The following IRAK2 variants were observed in gnomAD, a reference collection of about 807,000 sequenced individuals.
IRAK2 encodes interleukin-1 receptor-associated kinase-like 2.
In IRAK2, 57 loss-of-function variants were observed where a neutral mutation model predicts 72.0. The observed-to-expected ratio is 0.79, with a 90% CI of 0.64 to 0.99. The LOEUF is 0.99. Ranked by LOEUF, IRAK2 falls within the 50% of genes least tolerant of loss-of-function variation. The pLI is 0.00. For missense variants in IRAK2, 790 were observed against 794.4 expected (o/e 0.99, Z 0.07); for synonymous variants, 293 against 312.7 (o/e 0.94, Z 0.67).
intron 9 of IRAK2, 71 bp from the exon 10 acceptor site, chr3:10,226,300 A>C: frequency 2.3e-6 from 3 of 1,293,112 alleles, no homozygotes; most frequent in South Asian, 2.5e-5. Context: ...TGAGAAGAGA[A>C]GACAGAATCT....
At position 10,240,183 on chromosome 3, in the gene IRAK2, G is replaced by A. The variant is rs145315414; in HGVS notation, c.1765+1144G>A. On this transcript the variant is annotated intron_variant, in intron 12 of 12. Coordinates refer to ENST00000256458, the MANE Select transcript of IRAK2 (RefSeq NM_001570.4). ...AAAAGAAGATACTTTCTGGCTGGGC[G>A]CAGTGGCTCACGCCTGTAATCCCAG... Among the ~76,000 whole-genome samples the A allele has an allele frequency of 3.8e-3, 567 of 150,814 alleles. 6 individuals carry two copies. The highest frequency in any genetic ancestry group is 0.013 in the African/African-American group (538 of 40,988).
intron 1 of IRAK2, among the ~76,000 whole-genome samples, chr3:10,169,405 CA>C (rs953828766): frequency 6.6e-6 from 1 of 152,160 alleles, no homozygotes; most frequent in Non-Finnish European, 1.5e-5. Flanking sequence ...CTGCATCAGA[CA>C]GACACCCCCA....
chr3:10,180,790 C>T lies in IRAK2; in HGVS notation c.277+2770C>T, dbSNP rs145009357. Among the ~76,000 whole-genome samples, 209 of 152,156 alleles carry T rather than the reference C, an allele frequency of 1.4e-3. 2 individuals are homozygous for T. The highest frequency in any genetic ancestry group is 4.4e-3 in the African/African-American group (183 of 41,524). ...GGAGAGCAGGGGATGCTGTGGTGGA[C>T]GTGCAGGTGGAGAGATCTAGAGCTA... On this transcript the variant is annotated intron_variant, in intron 2 of 12. Transcript: ENST00000256458.
intron 3 of IRAK2, among the ~76,000 whole-genome samples, chr3:10,205,146 T>C (rs527879188): frequency 3.3e-5 from 5 of 152,338 alleles, no homozygotes; most frequent in African/African-American, 1.2e-4. Context: ...AGGGAGATTT[T>C]CATATCCTTG....
At chr3:10,188,854 G>T (rs1241422445) in intron 2 of IRAK2, among the ~76,000 whole-genome samples, 2 of 152,186 alleles carry the variant, frequency 1.3e-5, no homozygotes, top group Non-Finnish European at 2.9e-5. Context: ...TAGAGACAGG[G>T]TTTTGCCGTG....
intron 2 of IRAK2, among the ~76,000 whole-genome samples, chr3:10,184,980 C>T (rs1697030398): frequency 6.6e-6 from 1 of 150,884 alleles, no homozygotes; most frequent in Non-Finnish European, 1.5e-5. Context: ...ATCCGCCCGC[C>T]TTGGCCTCCC....
intron 7 of IRAK2, among the ~76,000 whole-genome samples, chr3:10,219,397 CA>C (rs1300982014): frequency 6.6e-6 from 1 of 151,906 alleles, no homozygotes; most frequent in African/African-American, 2.4e-5. Flanking sequence ...CGGCTTACTG[CA>C]AGCTCTGCCT....
chr3:10,186,465 C>T (rs369802938), intron 2 of IRAK2, among the ~76,000 whole-genome samples: 20 of 151,808 alleles, frequency 1.3e-4, no homozygotes, highest in South Asian at 8.3e-4. Context: ...CTGGCTTCTG[C>T]GCTTAGCCTC....
At chr3:10,220,185 C>G (rs1697666731) in intron 8 of IRAK2, among the ~76,000 whole-genome samples, 1 of 152,202 alleles carries the variant, frequency 6.6e-6, no homozygotes, top group Non-Finnish European at 1.5e-5. Context: ...TTTTCTGAGA[C>G]CTGTCCCCTT....
At chr3:10,234,919 G>C (rs977603318) in intron 11 of IRAK2, among the ~76,000 whole-genome samples, 4 of 152,232 alleles carry the variant, frequency 2.6e-5, no homozygotes, top group Non-Finnish European at 5.9e-5. Context: ...CTGTGAATCG[G>C]CTTTATTCCC....
At chr3:10,180,853 A>G (rs1696949600) in intron 2 of IRAK2, among the ~76,000 whole-genome samples, 2 of 151,998 alleles carry the variant, frequency 1.3e-5, no homozygotes, top group Non-Finnish European at 2.9e-5. Flanking sequence ...TGTGGGGCAG[A>G]CCACACCAGT....
intron 8 of IRAK2, among the ~76,000 whole-genome samples, chr3:10,222,180 G>T (rs2125159879): frequency 6.6e-6 from 1 of 152,280 alleles, no homozygotes; most frequent in East Asian, 1.9e-4. Context: ...GAGCCACTGT[G>T]CCCGGCCAAG....
intron 2 of IRAK2, among the ~76,000 whole-genome samples, chr3:10,185,788 A>G (rs1478341022): frequency 1.3e-5 from 2 of 151,438 alleles, no homozygotes; most frequent in Non-Finnish European, 2.9e-5. Context: ...ACGCAGGAGA[A>G]TTGCTTGAAC....
Position 10,222,798 on chromosome 3 carries a change from G to A in IRAK2, c.1176G>A (p.Leu392=). Residue 392 remains leucine (L), a synonymous_variant, in exon 9 of 13, where the codon CTG becomes CTA. Transcript: ENST00000256458. ...LPEDFIRVGQ[L]TKRVDIFSCG... ...AGGATTTCATCCGGGTGGGGCAGCTGACAAAGCGAGTGGACATCTTCAGCT... is the reference window on the plus strand; with the variant it reads ...AGGATTTCATCCGGGTGGGGCAGCTAACAAAGCGAGTGGACATCTTCAGCT... The A allele has an allele frequency of 1.2e-6, 2 of 1,614,220 alleles. No homozygotes were observed. The highest frequency in any genetic ancestry group is 1.1e-5 in the South Asian group (1 of 91,088).
intron 10 of IRAK2, among the ~76,000 whole-genome samples, chr3:10,229,882 C>G (rs929065563): frequency 6.6e-6 from 1 of 152,234 alleles, no homozygotes; most frequent in Non-Finnish European, 1.5e-5. Context: ...GGGTGGATCA[C>G]TTGAGTTCAG....
At chr3:10,194,679 A>G (rs1275548026) in intron 2 of IRAK2, among the ~76,000 whole-genome samples, 1 of 152,094 alleles carries the variant, frequency 6.6e-6, no homozygotes, top group African/African-American at 2.4e-5. Context: ...CTCCATCTTC[A>G]TGTTTGGACA....
rs1278146889 is a variant in IRAK2, at chr3:10,212,890, G to A, written c.529-317G>A. Reference sequence around the variant, plus strand: ...CCCCATTCTCCTGCCTCAGCCTCCCGAGTAGCTGGGACTACAGGCGCCCGC... The same window carrying A: ...CCCCATTCTCCTGCCTCAGCCTCCCAAGTAGCTGGGACTACAGGCGCCCGC... On this transcript the variant is annotated intron_variant, in intron 4 of 12. Coordinates refer to ENST00000256458, the MANE Select transcript of IRAK2 (RefSeq NM_001570.4). 5.4e-5 allele frequency among the ~76,000 whole-genome samples: 8 copies of A among 149,508 alleles called. No individual in the cohort carries two copies. In the South Asian group the frequency reaches 1.3e-3, roughly 24 times the overall value.
chr3:10,226,423 C>T lies in IRAK2; in HGVS notation c.1262C>T (p.Pro421Leu), dbSNP rs368608528. The change falls in exon 10 of 13, where the codon CCG becomes CTG. Residue 421 changes from proline to leucine, a missense_variant. Pro to Leu is a moderately conservative substitution (Grantham distance 98, BLOSUM62 -3). Coordinates refer to ENST00000256458, the MANE Select transcript of IRAK2 (RefSeq NM_001570.4). ...GIPAMDNNRS[P>L]VYLKDLLLSD... Reference sequence around the variant, plus strand: ...CCTGCAATGGATAACAACCGAAGCCCGGTTTACCTGGTAAGGGAACTTGTC... The same window carrying T: ...CCTGCAATGGATAACAACCGAAGCCTGGTTTACCTGGTAAGGGAACTTGTC... 40 of 1,612,944 alleles carry T rather than the reference C, an allele frequency of 2.5e-5. No individual in the cohort carries two copies. The highest frequency in any genetic ancestry group is 1.6e-4 in the Middle Eastern group (1 of 6,074).
At chr3:10,213,853 A>C (rs1697561033) in intron 6 of IRAK2, among the ~76,000 whole-genome samples, 1 of 151,770 alleles carries the variant, frequency 6.6e-6, no homozygotes, top group Non-Finnish European at 1.5e-5. Flanking sequence ...TTAGAATTAT[A>C]AAGGAAACTT....
Sources: allele counts gnomAD v4.1 joint callset (sites outside exome capture counted in the v4.1 genomes callset), GRCh38; gene constraint gnomAD v4.1.1; transcripts MANE v1.5; gene names NCBI Gene and HGNC (gene_info 2026-07-23, HGNC 2026-07-21).